SEPTIN10: variants seen among roughly 807,000 people sequenced by gnomAD.
The protein encoded by SEPTIN10 is septin 10, also known as septin-10.
In SEPTIN10, 66 loss-of-function variants were observed where a neutral mutation model predicts 54.8. That is an observed-to-expected ratio of 1.21 (90% CI 0.99 to 1.48). SEPTIN10 has a LOEUF of 1.48. Ranked by LOEUF, SEPTIN10 falls within the 40% of genes most tolerant of loss-of-function variation. The probability of loss-of-function intolerance (pLI) is 0.00; values close to 1 mark genes in which losing one functional copy is unlikely to be tolerated. For missense variants in SEPTIN10, 620 were observed against 545.6 expected, an observed-to-expected ratio of 1.14 and a Z score of -1.36; for synonymous variants, 161 against 181.0, an observed-to-expected ratio of 0.89 and a Z score of 0.89.
intron 5 of SEPTIN10, among the ~76,000 whole-genome samples, chr2:109,572,336 T>C (rs937166723): frequency 1.3e-5 from 2 of 152,146 alleles, no homozygotes; most frequent in African/African-American, 4.8e-5. Flanking sequence ...GGTTTCACCG[T>C]GTTAGCCAGG....
At chr2:109,589,430 G>A (rs1408840656) in intron 2 of SEPTIN10, among the ~76,000 whole-genome samples, 3 of 152,064 alleles carry the variant, frequency 2.0e-5, no homozygotes, top group Non-Finnish European at 2.9e-5. Context: ...TACTCCGGAG[G>A]CTACAGCATG....
chr2:109,554,384 A>C (rs778048396), intron 8 of SEPTIN10, among the ~76,000 whole-genome samples: 7 of 152,200 alleles, frequency 4.6e-5, no homozygotes, highest in Non-Finnish European at 8.8e-5. Context: ...ATGTTACAAT[A>C]ATATGTATTC....
At chr2:109,611,646 G>A (rs1699277425) in intron 1 of SEPTIN10, among the ~76,000 whole-genome samples, 1 of 151,598 alleles carries the variant, frequency 6.6e-6, no homozygotes, top group African/African-American at 2.4e-5. Flanking sequence ...TATAGTCCTA[G>A]CTACTTGGGG....
intron 2 of SEPTIN10, among the ~76,000 whole-genome samples, chr2:109,590,722 C>T (rs1295989975): frequency 1.3e-5 from 2 of 152,172 alleles, no homozygotes; most frequent in African/African-American, 4.8e-5. Flanking sequence ...AGCCATTATG[C>T]CCAGCCATGA....
At chr2:109,545,647 C>T (rs1324069364) in intron 10 of SEPTIN10, 1 of 1,500,552 alleles carries the variant, frequency 6.7e-7, no homozygotes, top group Non-Finnish European at 8.8e-7. Context: ...GTCTATAATT[C>T]CCCAACAAAG....
At chr2:109,587,604 C>T (rs994540799) in intron 2 of SEPTIN10, among the ~76,000 whole-genome samples, 2 of 152,032 alleles carry the variant, frequency 1.3e-5, no homozygotes, top group Admixed American at 6.6e-5. Flanking sequence ...CAGCAAACTG[C>T]TAAAAAACAA....
At position 109,611,439 on chromosome 2, in the gene SEPTIN10, G is replaced by C. The variant is rs1201296647; in HGVS notation, c.30+2359C>G. ...TTTTCAAATCACATATCTGAGAAAGGACTGGAATCTAGTATACCTAAAAAA... is the reference window on the plus strand; with the variant it reads ...TTTTCAAATCACATATCTGAGAAAGCACTGGAATCTAGTATACCTAAAAAA... On this transcript the variant is annotated intron_variant, in intron 1 of 10. Coordinates refer to ENST00000397712, the MANE Select transcript of SEPTIN10 (RefSeq NM_144710.5). 2.0e-5 allele frequency among the ~76,000 whole-genome samples: 3 copies of C among 151,454 alleles called. No individual in the cohort carries two copies. The East Asian group carries it at 5.8e-4, about 29-fold the overall frequency.
chr2:109,588,375 A>G (rs1228333087), intron 2 of SEPTIN10, among the ~76,000 whole-genome samples: 2 of 152,242 alleles, frequency 1.3e-5, no homozygotes, highest in Non-Finnish European at 2.9e-5. Flanking sequence ...TGTTTAAAGC[A>G]GTAACAAAAA....
chr2:109,586,828 C>A (rs548598227), intron 2 of SEPTIN10, among the ~76,000 whole-genome samples: 5 of 152,176 alleles, frequency 3.3e-5, no homozygotes, highest in Non-Finnish European at 4.4e-5. Flanking sequence ...TCAGAAAGCA[C>A]AGCTGAAGCA....
chr2:109,602,345 GA>G (rs1009341264), intron 1 of SEPTIN10, among the ~76,000 whole-genome samples: 1 of 152,164 alleles, frequency 6.6e-6, no homozygotes, highest in African/African-American at 2.4e-5. Flanking sequence ...TTATTGATGT[GA>G]AAAGACCCTG....
chr2:109,586,887 T>C (rs1692686338), intron 2 of SEPTIN10, among the ~76,000 whole-genome samples: 1 of 152,174 alleles, frequency 6.6e-6, no homozygotes, highest in African/African-American at 2.4e-5. Flanking sequence ...ATCAATGTGA[T>C]CAGTCAGCAA....
intron 9 of SEPTIN10, among the ~76,000 whole-genome samples, chr2:109,548,379 C>G (rs920053513): frequency 2.8e-4 from 43 of 152,276 alleles, no homozygotes; most frequent in African/African-American, 9.9e-4. Flanking sequence ...CAAAGCAGGA[C>G]TTGGTGTCTA....
chr2:109,609,897 T>G (rs1350370521), intron 1 of SEPTIN10, among the ~76,000 whole-genome samples: 1 of 152,160 alleles, frequency 6.6e-6, no homozygotes, highest in South Asian at 2.1e-4. Context: ...GTCAGTGGAC[T>G]GTACTCAACA....
At chr2:109,559,649 T>G (rs2105001932) in intron 8 of SEPTIN10, among the ~76,000 whole-genome samples, 1 of 152,248 alleles carries the variant, frequency 6.6e-6, no homozygotes, top group Non-Finnish European at 1.5e-5. Context: ...GGGGGCTACC[T>G]CTCCCCCATG....
intron 1 of SEPTIN10, among the ~76,000 whole-genome samples, chr2:109,593,722 C>T (rs745368099): frequency 1.6e-4 from 25 of 151,972 alleles, no homozygotes; most frequent in Non-Finnish European, 2.9e-4. Flanking sequence ...TTTAAAGATA[C>T]TCTAAGAGCC....
chr2:109,564,194 CAAG>C lies in SEPTIN10; in HGVS notation c.1028+169_1028+171del, dbSNP rs981633396. The C allele has an allele frequency of 1.5e-5, 8 of 523,090 alleles. No individual in the cohort carries two copies. The East Asian group carries it at 1.7e-4, about 11-fold the overall frequency. The allele number at this position is 523,090 out of a possible 1,614,324, so 32.4% of individuals were successfully genotyped here. ...CTTAAAAAGCAAGACTCTTCAAAAGCAAGAAGGAGTCAAGTGATTCAAGAAGCA... is the reference window on the plus strand; with the variant it reads ...CTTAAAAAGCAAGACTCTTCAAAAGCAAGGAGTCAAGTGATTCAAGAAGCA... On this transcript the variant is annotated intron_variant, in intron 8 of 10. Coordinates refer to ENST00000397712, the MANE Select transcript of SEPTIN10 (RefSeq NM_144710.5).
At chr2:109,608,749 A>G (rs1258326146) in intron 1 of SEPTIN10, among the ~76,000 whole-genome samples, 1 of 152,230 alleles carries the variant, frequency 6.6e-6, no homozygotes, top group Non-Finnish European at 1.5e-5. Flanking sequence ...AAAATCCTTA[A>G]ATCAGTAGTA....
At chr2:109,589,165 T>C (rs1052300597) in intron 2 of SEPTIN10, among the ~76,000 whole-genome samples, 1 of 152,020 alleles carries the variant, frequency 6.6e-6, no homozygotes, top group Non-Finnish European at 1.5e-5. Flanking sequence ...TTTTTTGAGA[T>C]GGAGTCTCAC....
chr2:109,597,885 C>T (rs2867277), intron 1 of SEPTIN10, among the ~76,000 whole-genome samples: 42,716 of 151,894 alleles, frequency 0.28, 6,302 homozygotes, highest in Admixed American at 0.4. Flanking sequence ...GGAAATATGG[C>T]CTTTTCCTGT....
Sources: gnomAD v4.1 joint callset for allele counts (sites outside exome capture counted in the v4.1 genomes callset) on GRCh38, gnomAD v4.1.1 for gene constraint, MANE v1.5 for transcripts, NCBI Gene and HGNC (gene_info 2026-07-23, HGNC 2026-07-21) for gene names.